FXYD2: variants seen among roughly 807,000 people sequenced by gnomAD.
FXYD2 encodes FXYD domain containing ion transport regulator 2.
A neutral mutation model predicts 11.8 loss-of-function variants in FXYD2; 8 were observed. The observed-to-expected ratio is 0.68, with a 90% CI of 0.40 to 1.22. FXYD2 has a LOEUF of 1.22. FXYD2 is among the 50% of genes most tolerant of loss of function. The pLI is 0.01. For synonymous variants in FXYD2, 42 were observed against 33.3 expected, an observed-to-expected ratio of 1.26 and a Z score of -0.90; for missense variants, 92 against 91.8, an observed-to-expected ratio of 1.00 and a Z score of -0.01.
rs182893897 is a variant in FXYD2, at chr11:117,822,292, G to C, written c.139+114C>G. 6.5e-7 allele frequency: 1 copy of C among 1,544,256 alleles called. No homozygotes were observed. The highest frequency in any genetic ancestry group is 2.0e-5 in the Admixed American group (1 of 50,936). On this transcript the variant is annotated intron_variant, in intron 3 of 5. Coordinates refer to ENST00000292079, the MANE Select transcript of FXYD2 (RefSeq NM_001680.5). The surrounding 1 kb of genome is among the most constrained non-coding windows in gnomAD (Gnocchi z 4.7). ...ATTCCCACATCCTGCAGTGGGGGGC[G>C]TGGTGGGGAGGCTCACCCCTCCCTT...
At chr11:117,827,906 G>A, upstream of FXYD2, 1 of 878,602 alleles carries the variant, frequency 1.1e-6, no homozygotes, top group South Asian at 1.4e-5. Flanking sequence ...TGCACTTCTG[G>A]GGAGCTTGTG....
chr11:117,820,546 G>A, intron 5 of FXYD2, 120 bp downstream of exon 5: 4 of 1,272,388 alleles, frequency 3.1e-6, no homozygotes, highest in Non-Finnish European at 4.5e-6. Flanking sequence ...CAGACCACCT[G>A]GCTGATGTGT....
At chr11:117,820,607 C>T (rs1335255552) in intron 5 of FXYD2, 59 bp downstream of exon 5, 2 of 1,606,748 alleles carry the variant, frequency 1.2e-6, no homozygotes, top group South Asian at 1.1e-5. Flanking sequence ...GAATTCTTCC[C>T]TGTTGCTCCC....
upstream of FXYD2, among the ~76,000 whole-genome samples, chr11:117,827,037 G>A (rs2056054675): frequency 6.6e-6 from 1 of 151,698 alleles, no homozygotes; most frequent in Admixed American, 6.6e-5. Flanking sequence ...GGGGGGAGGA[G>A]GTGCATGGGG....
chr11:117,823,644 C>T (rs967304172), intron 1 of FXYD2, among the ~76,000 whole-genome samples: 2 of 152,330 alleles, frequency 1.3e-5, no homozygotes, highest in Non-Finnish European at 2.9e-5. Flanking sequence ...GACAGCCAGA[C>T]GGTGGCCTGG....
Position 117,820,925 on chromosome 11 carries a change from A to G in FXYD2, c.140-30T>C, listed in dbSNP as rs548124426. On this transcript the variant is annotated intron_variant, in intron 3 of 5. Coordinates refer to ENST00000292079, the MANE Select transcript of FXYD2 (RefSeq NM_001680.5). ...AAAAGAGAAAAGGAGATTTGTTTCC[A>G]TGGACTAATTTTCCAAGGAGACCCT... The G allele has an allele frequency of 4.3e-6, 7 of 1,613,744 alleles. No individual in the cohort carries two copies. The African/African-American group carries it at 8.0e-5, about 18-fold the overall frequency.
chr11:117,826,812 C>CTATCTATCTGTCTA (rs2056048610), upstream of FXYD2, among the ~76,000 whole-genome samples: 1 of 143,694 alleles, frequency 7.0e-6, no homozygotes, highest in African/African-American at 2.6e-5. Flanking sequence ...ATCTATCTAT[C>CTATCTATCTGTCTA]TATCTATCTA....
In FXYD2 at chr11:117,820,676, G is replaced by C. The variant is rs761748059; in HGVS notation, c.197C>G (p.Pro66Arg). The C allele has an allele frequency of 1.9e-6, 3 of 1,613,934 alleles. No individual in the cohort carries two copies. Among genetic ancestry groups the C allele is most frequent in the South Asian group, 1.1e-5 (1 of 91,080 alleles). The change falls in exon 5 of 6, where the codon CCG (proline) becomes CGG (arginine). Residue 66 changes from proline to arginine, a missense_variant. By Grantham distance (103) the Pro-to-Arg change is moderately radical. Coordinates refer to ENST00000292079, the MANE Select transcript of FXYD2 (RefSeq NM_001680.5). ...GCCCTCCTAGCATACCTGCTGTTAC[G>C]GCTCATCTTCATTGATTTGCCTGGT... ...KKRRQINEDE[P>R]
rs2055939760 is a variant in FXYD2 at position 117,822,747 on chromosome 11, G to C, written c.26-30C>G. 6.2e-7 allele frequency: 1 copy of C among 1,603,676 alleles called. No homozygotes were observed. The highest frequency in any genetic ancestry group is 1.3e-5 in the African/African-American group (1 of 74,992). Reference sequence around the variant, plus strand: ...GAGAGAGCCAGAGGTGGGATGAGAGGAGTCACCGATGGTGAGCCAGCCACA... The same window carrying C: ...GAGAGAGCCAGAGGTGGGATGAGAGCAGTCACCGATGGTGAGCCAGCCACA... On this transcript the variant is annotated intron_variant, in intron 1 of 5. Transcript: ENST00000292079. The surrounding 1 kb of genome is among the most constrained non-coding windows in gnomAD (Gnocchi z 4.7).
rs747841055 is a variant in FXYD2 at position 117,822,737 on chromosome 11, G to A, written c.26-20C>T. 1 of 1,606,572 alleles carries A rather than the reference G, an allele frequency of 6.2e-7. No homozygotes were observed. The highest frequency in any genetic ancestry group is 8.5e-7 in the Non-Finnish European group (1 of 1,178,142). On this transcript the variant is annotated intron_variant, in intron 1 of 5. Transcript: ENST00000292079. The surrounding 1 kb of genome is among the most constrained non-coding windows in gnomAD (Gnocchi z 4.7). ...TGCCGCCTAGGAGAGAGCCAGAGGT[G>A]GGATGAGAGGAGTCACCGATGGTGA...
In FXYD2 at chr11:117,822,708, G is replaced by C; in HGVS notation, c.35C>G (p.Pro12Arg). 6.2e-7 allele frequency: 1 copy of C among 1,610,138 alleles called. No homozygotes were observed. Among genetic ancestry groups the C allele is most frequent in the East Asian group, 2.2e-5 (1 of 44,750 alleles). Residue 12 changes from proline (P) to arginine (R), a missense_variant, in exon 2 of 6, where the codon CCC becomes CGC. Transcript: ENST00000292079. The surrounding 1 kb of genome is among the most constrained non-coding windows in gnomAD (Gnocchi z 4.7). The part of the protein sequence containing the change: ...TGLSMDGGGS[P>R]KGDVDPFYYD... ...GTAGAACGGGTCCACGTCCCCCTTG[G>C]GGCTGCCGCCTAGGAGAGAGCCAGA...
At position 117,822,779 on chromosome 11, in the gene FXYD2, G is replaced by A; in HGVS notation, c.26-62C>T. The A allele has an allele frequency of 1.3e-6, 2 of 1,583,934 alleles. No homozygotes were observed. Among genetic ancestry groups the A allele is most frequent in the Non-Finnish European group, 1.7e-6 (2 of 1,167,442 alleles). The stretch of plus-strand genomic sequence containing the variant: ...CGATGGTGAGCCAGCCACAGGAACA[G>A]CTGGAATTCCCTGTCCTTCCCTTCC... On this transcript the variant is annotated intron_variant, in intron 1 of 5. Transcript: ENST00000292079. This position sits in a 1 kb window ranked among gnomAD's most constrained non-coding sequence, Gnocchi z 4.7.
At chr11:117,827,121 T>G (rs1381520408), upstream of FXYD2, among the ~76,000 whole-genome samples, 4 of 140,574 alleles carry the variant, frequency 2.8e-5, no homozygotes, top group African/African-American at 8.1e-5. Flanking sequence ...GATAGATAGA[T>G]AGATAGATAG....
intron 3 of FXYD2, chr11:117,821,177 C>G: frequency 5.1e-6 from 2 of 388,380 alleles, no homozygotes; most frequent in South Asian, 1.5e-4. Flanking sequence ...CTGCCTCAGC[C>G]TCCCAAGTAG....
chr11:117,824,473 G>T lies in FXYD2; in HGVS notation c.25+181C>A. 1.5e-6 allele frequency: 1 copy of T among 668,974 alleles called. No individual in the cohort carries two copies. 41.4% of individuals were successfully genotyped at this position (668,974 alleles called of 1,614,324 possible). On this transcript the variant is annotated intron_variant, in intron 1 of 5. Coordinates refer to ENST00000292079, the MANE Select transcript of FXYD2 (RefSeq NM_001680.5). This position sits in a 1 kb window ranked among gnomAD's most constrained non-coding sequence, Gnocchi z 4.0. ...GCTATCTTTCTTTGGGGTTAAAGCA[G>T]GGTCCTCCTTTAAGTTGCAAATTTT...
intron 3 of FXYD2, chr11:117,821,923 T>C (rs753975838): frequency 9.8e-5 from 101 of 1,030,886 alleles, no homozygotes; most frequent in Non-Finnish European, 1.1e-4. Context: ...AAGCTCCTGC[T>C]GTGTGCCCCT....
upstream of FXYD2, among the ~76,000 whole-genome samples, chr11:117,825,818 A>G (rs189842138): frequency 1.8e-4 from 27 of 152,326 alleles, no homozygotes; most frequent in African/African-American, 6.3e-4. Flanking sequence ...CTGAAGCCCA[A>G]TGGCCACAAA....
intron 1 of FXYD2, among the ~76,000 whole-genome samples, chr11:117,823,372 A>T (rs1423791353): frequency 6.6e-6 from 1 of 152,248 alleles, no homozygotes; most frequent in Non-Finnish European, 1.5e-5. Context: ...GGTGTAATCC[A>T]CAAGAGGGTG....
At chr11:117,821,408 GTC>G (rs2055900640) in intron 3 of FXYD2, 8 of 984,728 alleles carry the variant, frequency 8.1e-6, no homozygotes, top group Non-Finnish European at 8.4e-6. Flanking sequence ...AAGAACCTAA[GTC>G]AGTCAGTCAG....
Sources: allele counts gnomAD v4.1 joint callset (sites outside exome capture counted in the v4.1 genomes callset), GRCh38; gene constraint gnomAD v4.1.1; non-coding constraint Gnocchi (gnomAD v3.1); transcripts MANE v1.5; gene names NCBI Gene and HGNC (gene_info 2026-07-23, HGNC 2026-07-21).